The following ITPR1 variants were observed in gnomAD, a reference collection of about 807,000 sequenced individuals.
ITPR1 encodes the protein inositol 1,4,5-trisphosphate receptor type 1, also known as inositol 1,4,5-trisphosphate-gated calcium channel ITPR1.
ITPR1 carries 96 observed loss-of-function variants against 318.4 expected under a neutral mutation model. The observed-to-expected ratio is 0.30, with a 90% CI of 0.26 to 0.36. The LOEUF (loss-of-function observed/expected upper bound fraction) is 0.36, where lower values mean the gene tolerates loss of function less well. Ranked by LOEUF, ITPR1 falls within the 10% of genes least tolerant of loss-of-function variation. ITPR1 has a pLI of 1.00. For missense variants in ITPR1, 2,440 were observed against 3,460.2 expected, an observed-to-expected ratio of 0.71 and a Z score of 7.40; for synonymous variants, 1,312 against 1,289.9, an observed-to-expected ratio of 1.02 and a Z score of -0.37.
chr3:4,511,200 G>A (rs1201248476), intron 2 of ITPR1, among the ~76,000 whole-genome samples: 1 of 152,206 alleles, frequency 6.6e-6, no homozygotes, highest in Non-Finnish European at 1.5e-5. Context: ...CAATACAGAC[G>A]CTGAAGAGCA....
At chr3:4,617,957 C>T (rs2092451907) in intron 4 of ITPR1, among the ~76,000 whole-genome samples, 1 of 150,620 alleles carries the variant, frequency 6.6e-6, no homozygotes, top group African/African-American at 2.4e-5. Flanking sequence ...TGAACTCCAG[C>T]CTGGGCAACA....
chr3:4,786,686 A>C (rs371475909), intron 51 of ITPR1, among the ~76,000 whole-genome samples: 1 of 152,238 alleles, frequency 6.6e-6, no homozygotes, highest in Non-Finnish European at 1.5e-5. Flanking sequence ...TGAACAATCC[A>C]GCCAGAGTAC....
chr3:4,583,621 T>C (rs1183646941), intron 4 of ITPR1, among the ~76,000 whole-genome samples: 4 of 152,240 alleles, frequency 2.6e-5, no homozygotes, highest in Non-Finnish European at 4.4e-5. Flanking sequence ...CTTGAGCCTG[T>C]TCCTCCTTGG....
chr3:4,606,074 A>G (rs1350304395), intron 4 of ITPR1, among the ~76,000 whole-genome samples: 1 of 152,182 alleles, frequency 6.6e-6, no homozygotes, highest in Non-Finnish European at 1.5e-5. Flanking sequence ...AGCAGGGGAA[A>G]GAGCCTTCCC....
intron 4 of ITPR1, among the ~76,000 whole-genome samples, chr3:4,540,308 C>T (rs1278779695): frequency 1.3e-5 from 2 of 152,030 alleles, no homozygotes; most frequent in East Asian, 3.9e-4. Flanking sequence ...TATACCTACA[C>T]CAGAATTGTT....
At position 4,530,951 on chromosome 3, in the gene ITPR1, C is replaced by T. The variant is rs183100551; in HGVS notation, c.163+9857C>T. Among the ~76,000 whole-genome samples, 261 of 152,210 alleles carry T rather than the reference C, an allele frequency of 1.7e-3. 3 individuals carry two copies. Among genetic ancestry groups the T allele is most frequent in the African/African-American group, 5.9e-3 (247 of 41,530 alleles). The stretch of plus-strand genomic sequence containing the variant: ...TGAGATTCCTTGGCTGCATTCAGTA[C>T]ATGAGCATGAAAAACAAATAATTGT... On this transcript the variant is annotated intron_variant, in intron 4 of 61. Transcript: ENST00000649015.
intron 4 of ITPR1, among the ~76,000 whole-genome samples, chr3:4,521,637 C>T (rs2082575523): frequency 6.6e-6 from 1 of 152,026 alleles, no homozygotes; most frequent in African/African-American, 2.4e-5. Flanking sequence ...ATTGCTAGAG[C>T]CTGGGAATTC....
At position 4,800,523 on chromosome 3, in the gene ITPR1, T is replaced by C. The variant is rs760218581; in HGVS notation, c.7030T>C (p.Leu2344=). The C allele has an allele frequency of 6.2e-7, 1 of 1,614,056 alleles. No homozygotes were observed. Among genetic ancestry groups the C allele is most frequent in the Non-Finnish European group, 8.5e-7 (1 of 1,179,892 alleles). The stretch of plus-strand genomic sequence containing the variant: ...CCCCAAGCCCCATGGCATCCGGGCC[T>C]TAATTGCCTCCACAATTCTACGACT... ...ALPKPHGIRA[L]IASTILRLIF... is the part of the protein sequence containing the mutation. Residue 2344 remains leucine, a synonymous_variant, in exon 54 of 62, where the codon TTA becomes CTA. Transcript: ENST00000649015.
rs762758498 is a variant in ITPR1 at position 4,775,252 on chromosome 3, G to T, written c.5990G>T (p.Arg1997Leu). 6 of 1,613,780 alleles carry T rather than the reference G, an allele frequency of 3.7e-6. No homozygotes were observed. Among genetic ancestry groups the T allele is most frequent in the Non-Finnish European group, 4.2e-6 (5 of 1,179,726 alleles). Residue 1997 changes from arginine (R) to leucine (L), a missense_variant, in exon 47 of 62, where the codon CGT becomes CTT. Transcript: ENST00000649015. The part of the protein sequence containing the change: ...NHNRDLQNFL[R>L]CQNNKTNYNL... The stretch of plus-strand genomic sequence containing the variant: ...ACTACCCAATTGCAGAACTTCCTCC[G>T]TTGCCAAAATAACAAGACCAACTAC...
intron 4 of ITPR1, among the ~76,000 whole-genome samples, chr3:4,559,978 G>A (rs2086514354): frequency 6.6e-6 from 1 of 152,182 alleles, no homozygotes; most frequent in South Asian, 2.1e-4. Context: ...GCTTGGTTTT[G>A]ACTCTGGCTC....
intron 5 of ITPR1, among the ~76,000 whole-genome samples, chr3:4,630,678 C>T (rs775318471): frequency 4.6e-5 from 7 of 151,660 alleles, no homozygotes; most frequent in African/African-American, 7.3e-5. Flanking sequence ...CTCCGCCTCC[C>T]GGGCTCAAGC....
chr3:4,546,641 G>A (rs1264614028), intron 4 of ITPR1, among the ~76,000 whole-genome samples: 5 of 152,066 alleles, frequency 3.3e-5, no homozygotes, highest in African/African-American at 9.7e-5. Context: ...CTCTTAAAAC[G>A]TCATCTACTT....
At chr3:4,724,840 AGGGTGGTATCT>A (rs2042395916) in intron 40 of ITPR1, among the ~76,000 whole-genome samples, 3 of 151,926 alleles carry the variant, frequency 2.0e-5, no homozygotes, top group African/African-American at 7.3e-5. Flanking sequence ...ATCAAGGGGG[AGGGTGGTATCT>A]GTGTGGCATG....
In ITPR1 at chr3:4,653,552, A is replaced by G. The variant is rs576629881; in HGVS notation, c.952-290A>G. 3.3e-5 allele frequency among the ~76,000 whole-genome samples: 5 copies of G among 152,252 alleles called. No homozygotes were observed. The East Asian group carries it at 5.8e-4, about 18-fold the overall frequency. On this transcript the variant is annotated intron_variant, in intron 11 of 61. Transcript: ENST00000649015. ...AAAATAGGATTATCAGTGACTGTGTATTGATCTTTTATTCATCTCAGGCTT... is the reference window on the plus strand; with the variant it reads ...AAAATAGGATTATCAGTGACTGTGTGTTGATCTTTTATTCATCTCAGGCTT...
chr3:4,714,985 C>T (rs765692492), intron 39 of ITPR1, among the ~76,000 whole-genome samples: 1 of 152,202 alleles, frequency 6.6e-6, no homozygotes, highest in African/African-American at 2.4e-5. Flanking sequence ...TAACATTGAT[C>T]GACCTCTTGT....
intron 4 of ITPR1, among the ~76,000 whole-genome samples, chr3:4,539,027 G>C (rs939742663): frequency 6.6e-6 from 1 of 152,084 alleles, no homozygotes; most frequent in Non-Finnish European, 1.5e-5. Flanking sequence ...ATGTATTCCA[G>C]AACTTAAGAT....
At position 4,667,418 on chromosome 3, in the gene ITPR1, T is replaced by C. The variant is rs753800173; in HGVS notation, c.1755T>C (p.Ile585=). The change falls in exon 18 of 62, where the codon ATT becomes ATC. Residue 585 remains isoleucine (I), a synonymous_variant. Coordinates refer to ENST00000649015, the MANE Select transcript of ITPR1 (RefSeq NM_001378452.1). ...AKQFGFMQKQ[I]GYDVLAEDTI... ...AGTTTGGCTTCATGCAGAAGCAGAT[T>C]GGCTATGATGTGTTGGCTGAAGACA... 2.5e-6 allele frequency: 4 copies of C among 1,612,848 alleles called. No homozygotes were observed. The highest frequency in any genetic ancestry group is 3.4e-6 in the Non-Finnish European group (4 of 1,179,408).
intron 51 of ITPR1, among the ~76,000 whole-genome samples, chr3:4,784,373 G>C (rs2047029375): frequency 6.6e-6 from 1 of 152,078 alleles, no homozygotes; most frequent in Non-Finnish European, 1.5e-5. Context: ...ATCCGGAGGG[G>C]CTAAGCAAGG....
At chr3:4,846,081 T>G (rs41311609) in intron 61 of ITPR1, 58 bp from the exon 62 acceptor site, 1 of 994,302 alleles carries the variant, frequency 1.0e-6, no homozygotes, top group Non-Finnish European at 1.5e-6. Context: ...TGGTTCAGTA[T>G]GCGATTTGAC....
Sources: gnomAD v4.1 joint callset for allele counts (sites outside exome capture counted in the v4.1 genomes callset) on GRCh38, gnomAD v4.1.1 for gene constraint, MANE v1.5 for transcripts, NCBI Gene and HGNC (gene_info 2026-07-23, HGNC 2026-07-21) for gene names.